The following ANO1 variants were observed in gnomAD, a reference collection of about 807,000 sequenced individuals.
ANO1 encodes anoctamin-1.
In ANO1, 59 loss-of-function variants were observed where a neutral mutation model predicts 124.0. That is an observed-to-expected ratio of 0.48 (90% CI 0.39 to 0.59). The LOEUF is 0.59. Ranked by LOEUF, ANO1 falls within the 20% of genes least tolerant of loss-of-function variation. The pLI is 0.00. For synonymous variants in ANO1, 529 were observed against 532.0 expected, an observed-to-expected ratio of 0.99 and a Z score of 0.08; for missense variants, 1,059 against 1,328.0, an observed-to-expected ratio of 0.80 and a Z score of 3.15.
intron 22 of ANO1, among the ~76,000 whole-genome samples, chr11:70,177,970 C>T (rs552324753): frequency 6.6e-6 from 1 of 152,256 alleles, no homozygotes; most frequent in Non-Finnish European, 1.5e-5. Flanking sequence ...ACAAGCACAA[C>T]AAGATGGCCA....
intron 25 of ANO1, among the ~76,000 whole-genome samples, chr11:70,186,976 G>A (rs2049153116): frequency 6.6e-6 from 1 of 152,222 alleles, no homozygotes; most frequent in Non-Finnish European, 1.5e-5. Context: ...GAGCCCCGGA[G>A]CAGGCATGGC....
the ANO1 span, among the ~76,000 whole-genome samples, chr11:69,975,238 G>T: frequency 6.6e-6 from 1 of 152,078 alleles, no homozygotes; most frequent in African/African-American, 2.4e-5. Flanking sequence ...AGATGGAGCA[G>T]TGGCCTCCCT....
At chr11:70,078,973 C>A (rs1251270787) in intron 1 of ANO1, among the ~76,000 whole-genome samples, 1 of 152,004 alleles carries the variant, frequency 6.6e-6, no homozygotes, top group East Asian at 1.9e-4. Flanking sequence ...GGCCCCCAGG[C>A]ATGGCCCGGC....
At chr11:70,003,111 A>G (rs1490769555) in intron 1 of ANO1, among the ~76,000 whole-genome samples, 1 of 152,182 alleles carries the variant, frequency 6.6e-6, no homozygotes, top group African/African-American at 2.4e-5. Context: ...AGTATCCAAT[A>G]AAGAATTGTT....
chr11:70,106,316 A>G (rs1336610396), intron 5 of ANO1, among the ~76,000 whole-genome samples: 4 of 152,184 alleles, frequency 2.6e-5, no homozygotes, highest in African/African-American at 9.7e-5. Context: ...CAACCTGTCC[A>G]CCAGCCAAGC....
rs575346573 is a variant in ANO1, at chr11:70,181,915, T to G, written c.2404-587T>G. Among the ~76,000 whole-genome samples, 12 of 152,332 alleles carry G rather than the reference T, an allele frequency of 7.9e-5. No individual in the cohort carries two copies. The East Asian group carries it at 2.3e-3, about 29-fold the overall frequency. On this transcript the variant is annotated intron_variant, in intron 23 of 25. Transcript: ENST00000355303. ...AGGCGAGGACTGCCATGGCCCCATC[T>G]TACAGGTAAGACACCAGAGGCACAG... is the stretch of plus-strand genomic sequence containing the variant.
intron 14 of ANO1, among the ~76,000 whole-genome samples, chr11:70,155,343 G>C (rs934934443): frequency 6.6e-6 from 1 of 152,188 alleles, no homozygotes; most frequent in Non-Finnish European, 1.5e-5. Context: ...AAGCAACAGA[G>C]GCATGGGGGT....
intron 1 of ANO1, among the ~76,000 whole-genome samples, chr11:70,003,591 A>ATGGGTGGATGGATGGGTGGG (rs1554999644): frequency 9.0e-5 from 9 of 100,276 alleles, no homozygotes; most frequent in East Asian, 4.9e-4. Flanking sequence ...TGGTGGATGG[A>ATGGGTGGATGGATGGGTGGG]TGGGTGGATG....
At chr11:70,080,957 C>T (rs543915820) in intron 1 of ANO1, among the ~76,000 whole-genome samples, 14 of 152,298 alleles carry the variant, frequency 9.2e-5, no homozygotes, top group African/African-American at 1.2e-4. Context: ...TCAGTCATTA[C>T]CCTGAGTCAC....
chr11:70,024,637 G>T (rs1856860551), intron 1 of ANO1, among the ~76,000 whole-genome samples: 1 of 152,158 alleles, frequency 6.6e-6, no homozygotes, highest in South Asian at 2.1e-4. Flanking sequence ...TTCACAGATG[G>T]GGAAACTCGG....
At chr11:69,990,017 TAA>T (rs1216715008) in intron 1 of ANO1, among the ~76,000 whole-genome samples, 3 of 152,210 alleles carry the variant, frequency 2.0e-5, no homozygotes, top group Non-Finnish European at 2.9e-5. Flanking sequence ...TTAATCATTT[TAA>T]GTGTAGAATT....
At chr11:70,125,031 C>T (rs1439224053) in intron 9 of ANO1, among the ~76,000 whole-genome samples, 5 of 152,208 alleles carry the variant, frequency 3.3e-5, no homozygotes, top group African/African-American at 1.2e-4. Context: ...GAAAAGCGCC[C>T]ACCTTCCCAA....
At chr11:70,074,049 C>T (rs965640303), upstream of ANO1, among the ~76,000 whole-genome samples, 10 of 152,152 alleles carry the variant, frequency 6.6e-5, no homozygotes, top group Non-Finnish European at 1.0e-4. Context: ...GGCACGTCTT[C>T]CCCGGGGTAA....
chr11:70,087,718 G>A lies in ANO1; in HGVS notation c.109-34G>A, dbSNP rs747501583. 2.3e-5 allele frequency: 35 copies of A among 1,539,472 alleles called. No homozygotes were observed. In the African/African-American group the frequency reaches 2.7e-4, roughly 12 times the overall value. On this transcript the variant is annotated intron_variant, in intron 1 of 25. Transcript: ENST00000355303. Reference sequence around the variant, plus strand: ...TCCAAAGGCCCATCACGAGCAGCTCGATGGTGAATGGGTGTCTTTTCTTCC... The same window carrying A: ...TCCAAAGGCCCATCACGAGCAGCTCAATGGTGAATGGGTGTCTTTTCTTCC...
chr11:69,989,520 C>G (rs1856113332), intron 1 of ANO1, among the ~76,000 whole-genome samples: 1 of 151,730 alleles, frequency 6.6e-6, no homozygotes, highest in East Asian at 1.9e-4. Flanking sequence ...GAGGGGCAAC[C>G]CAAGAGGTAT....
chr11:70,078,744 G>C lies in ANO1; in HGVS notation c.108+30G>C. The C allele has an allele frequency of 2.1e-6, 3 of 1,408,252 alleles. No individual in the cohort carries two copies. In the South Asian group the frequency reaches 4.0e-5, roughly 19 times the overall value. The allele number at this position is 1,408,252 out of a possible 1,614,324, so 87.2% of individuals were successfully genotyped here. Reference sequence around the variant, plus strand: ...GTGCGGGCGGCCGCGACCCGGGCGGGAGGGCCGCGCACCTGCGCCTTGGCG... The same window carrying C: ...GTGCGGGCGGCCGCGACCCGGGCGGCAGGGCCGCGCACCTGCGCCTTGGCG... On this transcript the variant is annotated intron_variant, in intron 1 of 25. Coordinates refer to ENST00000355303, the MANE Select transcript of ANO1 (RefSeq NM_018043.7).
At chr11:70,187,211 G>A (rs763562185) in intron 25 of ANO1, among the ~76,000 whole-genome samples, 5 of 152,220 alleles carry the variant, frequency 3.3e-5, no homozygotes, top group Non-Finnish European at 7.3e-5. Context: ...CTGCTCAGCC[G>A]GGGGTGCTCA....
chr11:70,152,357 A>AAAATTTTT, intron 12 of ANO1, 93 bp from the exon 13 acceptor site: 2 of 922,374 alleles, frequency 2.2e-6, no homozygotes, highest in Non-Finnish European at 1.6e-6. Flanking sequence ...AAAAAAAAAA[A>AAAATTTTT]GTTGTCCTTA....
At chr11:70,105,591 G>A (rs2045493602) in intron 4 of ANO1, 143 bp from the exon 5 acceptor site, 1 of 742,750 alleles carries the variant, frequency 1.3e-6, no homozygotes, top group Non-Finnish European at 2.3e-6. Context: ...GGGGCGGACG[G>A]GTCATACCTG....
Sources: gnomAD v4.1 joint callset for allele counts (sites outside exome capture counted in the v4.1 genomes callset) on GRCh38, gnomAD v4.1.1 for gene constraint, MANE v1.5 for transcripts, NCBI Gene and HGNC (gene_info 2026-07-23, HGNC 2026-07-21) for gene names.